Variants in MYOC observed in about 807,000 individuals in gnomAD.
MYOC encodes juvenile-onset open-angle glaucoma 1.
In MYOC, 29 loss-of-function variants were observed where a neutral mutation model predicts 28.2. The ratio of observed to expected loss-of-function variants is 1.03; its 90% CI spans 0.77 to 1.40. The LOEUF (loss-of-function observed/expected upper bound fraction) is 1.40, where lower values mean the gene tolerates loss of function less well. Among genes scored for constraint, MYOC ranks in the 40% most tolerant of loss-of-function variants. The pLI is 0.00. For missense variants in MYOC, 569 were observed against 620.6 expected (o/e 0.92, Z 0.88); for synonymous variants, 240 against 245.6 (o/e 0.98, Z 0.21).
chr1:171,635,745 C>T lies in MYOC; in HGVS notation c.*180G>A. ...ATTTATTATATGAAATTGTCTACGC[C>T]CTCAGACTACAATTCCTGAATAGTT... On this transcript the variant is annotated 3_prime_UTR_variant, in exon 3 of 3. Transcript: ENST00000037502. 1.5e-6 allele frequency: 1 copy of T among 645,218 alleles called. No individual in the cohort carries two copies. The highest frequency in any genetic ancestry group is 2.7e-6 in the Non-Finnish European group (1 of 367,024). The allele number at this position is 645,218 out of a possible 1,614,324, so 40.0% of individuals were successfully genotyped here. A position where few individuals can be genotyped will look rare whatever the true frequency, so the allele number is the denominator to read the frequency against.
chr1:171,641,198 T>C (rs1653070626), intron 1 of MYOC, among the ~76,000 whole-genome samples: 1 of 97,872 alleles, frequency 1.0e-5, no homozygotes, highest in African/African-American at 4.8e-5. Context: ...GCTGTGAACA[T>C]AAAACTGCTC....
In MYOC at chr1:171,652,688, C is replaced by A. The variant is rs931124801; in HGVS notation, c.-77G>T. The A allele has an allele frequency of 6.2e-6, 10 of 1,600,776 alleles. No individual in the cohort carries two copies. The highest frequency in any genetic ancestry group is 8.5e-6 in the Non-Finnish European group (10 of 1,175,024). ...GCCTGGATGGGTGGCCTTGCTGGCTCATGCCCGAGCTCCAGAGAGGTTTAT... is the reference window on the plus strand; with the variant it reads ...GCCTGGATGGGTGGCCTTGCTGGCTAATGCCCGAGCTCCAGAGAGGTTTAT... On this transcript the variant is annotated 5_prime_UTR_variant, in exon 1 of 3. Transcript: ENST00000037502.
intron 1 of MYOC, among the ~76,000 whole-genome samples, chr1:171,647,811 C>T (rs1345709669): frequency 6.6e-6 from 1 of 152,180 alleles, no homozygotes; most frequent in East Asian, 1.9e-4. Flanking sequence ...GGCAACCTGC[C>T]TCTTGCAGTT....
At chr1:171,651,735 C>T (rs1313066238) in intron 1 of MYOC, among the ~76,000 whole-genome samples, 2 of 152,148 alleles carry the variant, frequency 1.3e-5, no homozygotes, top group African/African-American at 2.4e-5. Context: ...ACATCTCACC[C>T]GGTCCTTTTA....
chr1:171,648,437 C>T (rs1344071431), intron 1 of MYOC, among the ~76,000 whole-genome samples: 8 of 151,962 alleles, frequency 5.3e-5, no homozygotes, highest in African/African-American at 1.7e-4. Context: ...TTCCCTGTCT[C>T]ACTTTCCCCT....
chr1:171,640,082 TAAA>T (rs57155423), intron 1 of MYOC, among the ~76,000 whole-genome samples: 5 of 146,442 alleles, frequency 3.4e-5, no homozygotes, highest in Admixed American at 6.8e-5. Context: ...AGACTCCTGT[TAAA>T]AAAAAAAAAA....
At chr1:171,641,805 C>T (rs1653081443) in intron 1 of MYOC, among the ~76,000 whole-genome samples, 1 of 152,084 alleles carries the variant, frequency 6.6e-6, no homozygotes, top group Non-Finnish European at 1.5e-5. Context: ...TCAGTGCATC[C>T]CCTGAGGCCG....
intron 1 of MYOC, among the ~76,000 whole-genome samples, chr1:171,651,445 TA>T (rs1262839747): frequency 4.6e-5 from 7 of 151,906 alleles, no homozygotes; most frequent in Admixed American, 4.6e-4. Flanking sequence ...TCTGATGACT[TA>T]AAAGCAGAGG....
intron 1 of MYOC, among the ~76,000 whole-genome samples, chr1:171,646,961 G>T (rs1363010621): frequency 1.3e-5 from 2 of 152,098 alleles, no homozygotes; most frequent in Non-Finnish European, 2.9e-5. Flanking sequence ...TAACTCGTTT[G>T]CCTGTAGACA....
chr1:171,637,341 C>A (rs1479156694), intron 2 of MYOC, among the ~76,000 whole-genome samples: 1 of 152,170 alleles, frequency 6.6e-6, no homozygotes, highest in Non-Finnish European at 1.5e-5. Context: ...TCACATATTT[C>A]ATACATCATT....
chr1:171,638,164 A>G (rs1207270637), intron 2 of MYOC, among the ~76,000 whole-genome samples: 2 of 152,216 alleles, frequency 1.3e-5, no homozygotes, highest in East Asian at 1.9e-4. Flanking sequence ...AAGTGGCCAA[A>G]GTTCAGAAAA....
At chr1:171,638,459 C>T in intron 2 of MYOC, 138 bp downstream of exon 2, 1 of 967,202 alleles carries the variant, frequency 1.0e-6, no homozygotes, top group Non-Finnish European at 1.6e-6. Context: ...TGTTCCTCTT[C>T]TCCTCCCCTC....
At chr1:171,650,614 T>G (rs1360019522) in intron 1 of MYOC, among the ~76,000 whole-genome samples, 1 of 152,192 alleles carries the variant, frequency 6.6e-6, no homozygotes, top group Admixed American at 6.5e-5. Flanking sequence ...CTCTGGCTCT[T>G]AGGTTTTCTA....
In MYOC at chr1:171,638,723, C is replaced by A. The variant is rs1652993039; in HGVS notation, c.605-1G>T. ...AAAGTGTCCAAATTCCACGTAGAAACTGCATTAAAAGAAAGAGACAAAATT... is the reference window on the plus strand; with the variant it reads ...AAAGTGTCCAAATTCCACGTAGAAAATGCATTAAAAGAAAGAGACAAAATT... On this transcript the variant is annotated splice_acceptor_variant, in intron 1 of 2. Coordinates refer to ENST00000037502, the MANE Select transcript of MYOC (RefSeq NM_000261.2). LOFTEE classifies it high-confidence loss of function. 1.1e-5 allele frequency: 18 copies of A among 1,613,888 alleles called. No individual in the cohort carries two copies. The highest frequency in any genetic ancestry group is 1.4e-5 in the Non-Finnish European group (17 of 1,179,918).
rs750809368 is a variant in MYOC at position 171,638,736 on chromosome 1, A to T, written c.605-14T>A. The T allele has an allele frequency of 6.2e-7, 1 of 1,613,782 alleles. No homozygotes were observed. The highest frequency in any genetic ancestry group is 8.5e-7 in the Non-Finnish European group (1 of 1,179,822). On this transcript the variant is annotated splice_polypyrimidine_tract_variant and intron_variant, in intron 1 of 2. Transcript: ENST00000037502. ...TCCACGTAGAAACTGCATTAAAAGA[A>T]AGAGACAAAATTTTACTGTAAGAAA...
Position 171,652,187 on chromosome 1 carries a change from T to C in MYOC, c.425A>G (p.Tyr142Cys), listed in dbSNP as rs576184926. Residue 142 changes from tyrosine (Y) to cysteine (C), a missense_variant, in exon 1 of 3, where the codon TAC (tyrosine) becomes TGC (cysteine). By Grantham distance (194) the Tyr-to-Cys change is radical (BLOSUM62 -2). Transcript: ENST00000037502. ...ETQTRELETA[Y>C]SNLLRDKSVL... ...TGACTTGTCTCGGAGGAGGTTGCTG[T>C]AGGCAGTCTCCAACTCTCTGGTTTG... 3 of 1,614,088 alleles carry C rather than the reference T, an allele frequency of 1.9e-6. No individual in the cohort carries two copies. Among genetic ancestry groups the C allele is most frequent in the Non-Finnish European group, 2.5e-6 (3 of 1,180,038 alleles).
rs1652992039 is a variant in MYOC, at chr1:171,638,686, T to G, written c.641A>C (p.Glu214Ala). The change falls in exon 2 of 3, where the codon GAA becomes GCA. Residue 214 changes from glutamate to alanine, a missense_variant. Transcript: ENST00000037502. ...TWNLDTLAFQ[E>A]LKSELTEVPA... is the part of the protein sequence containing the mutation. ...AACTTCAGTTAGCTCGGACTTCAGTTCCTGGAAGGCCAAAGTGTCCAAATT... is the reference window on the plus strand; with the variant it reads ...AACTTCAGTTAGCTCGGACTTCAGTGCCTGGAAGGCCAAAGTGTCCAAATT... The G allele has an allele frequency of 4.3e-6, 7 of 1,614,072 alleles. No individual in the cohort carries two copies. In the South Asian group the frequency reaches 6.6e-5, roughly 15 times the overall value.
rs2102944632 is a variant in MYOC, at chr1:171,636,301, T to G, written c.1139A>C (p.Asp380Ala). Residue 380 changes from aspartate to alanine, a missense_variant, in exon 3 of 3, where the codon GAC becomes GCC. Transcript: ENST00000037502. ...GAGGCCTGCTTCATCCACAGCCAAG[T>G]CAATGTCCGTGTAGCCACCCCAAGA... ...PYSWGGYTDI[D>A]LAVDEAGLWV... The G allele has an allele frequency of 6.2e-7, 1 of 1,614,068 alleles. No individual in the cohort carries two copies. Among genetic ancestry groups the G allele is most frequent in the Non-Finnish European group, 8.5e-7 (1 of 1,179,992 alleles).
rs561148595 is a variant in MYOC, at chr1:171,645,004, A to C, written c.605-6282T>G. On this transcript the variant is annotated intron_variant, in intron 1 of 2. Transcript: ENST00000037502. ...TGTGCTGAGGAGGTGTGTCAGTTAT[A>C]AACGCATTGCCTCTCAGAGCTGAAT... Among the ~76,000 whole-genome samples, 10 of 152,282 alleles carry C rather than the reference A, an allele frequency of 6.6e-5. No homozygotes were observed. In the South Asian group the frequency reaches 1.2e-3, roughly 19 times the overall value.
Sources: gnomAD v4.1 joint callset for allele counts (sites outside exome capture counted in the v4.1 genomes callset) on GRCh38, gnomAD v4.1.1 for gene constraint, MANE v1.5 for transcripts, NCBI Gene and HGNC (gene_info 2026-07-23, HGNC 2026-07-21) for gene names.